Variants in ATP2A2 observed in about 807,000 individuals in gnomAD.
The protein encoded by ATP2A2 is ATPase sarcoplasmic/endoplasmic reticulum Ca2+ transporting 2, also known as sarcoplasmic/endoplasmic reticulum calcium ATPase 2.
A neutral mutation model predicts 109.3 loss-of-function variants in ATP2A2; 14 were observed. The ratio of observed to expected loss-of-function variants is 0.13; its 90% CI spans 0.08 to 0.20. ATP2A2 has a LOEUF of 0.20. Ranked by LOEUF, ATP2A2 falls within the 10% of genes least tolerant of loss-of-function variation. ATP2A2 has a pLI of 1.00. For missense variants in ATP2A2, 657 were observed against 1,321.6 expected (o/e 0.50, Z 7.80); for synonymous variants, 506 against 490.9 (o/e 1.03, Z -0.41).
intron 3 of ATP2A2, among the ~76,000 whole-genome samples, chr12:110,283,798 C>CATAT (rs1872396308): frequency 6.6e-6 from 1 of 152,082 alleles, no homozygotes; most frequent in Admixed American, 6.6e-5. Flanking sequence ...AGTTCTTGTA[C>CATAT]ATATATGTAT....
chr12:110,342,964 T>G lies in ATP2A2; in HGVS notation c.2319-268T>G, dbSNP rs768076056. On this transcript the variant is annotated intron_variant, in intron 15 of 19. Coordinates refer to ENST00000539276, the MANE Select transcript of ATP2A2 (RefSeq NM_170665.4). The surrounding 1 kb of genome is among the most constrained non-coding windows in gnomAD (Gnocchi z 4.6). ...ATGTTGCCCAGGCTGGTCTCTTAAC[T>G]GCTGAGCTCAGCCAGTCTGCCCACC... 1.3e-5 allele frequency among the ~76,000 whole-genome samples: 2 copies of G among 152,148 alleles called. No individual in the cohort carries two copies. The highest frequency in any genetic ancestry group is 2.4e-5 in the African/African-American group (1 of 41,428).
At chr12:110,337,867 A>G (rs1878987174) in intron 11 of ATP2A2, among the ~76,000 whole-genome samples, 1 of 152,246 alleles carries the variant, frequency 6.6e-6, no homozygotes, top group Admixed American at 6.5e-5. Context: ...AATTCTCACC[A>G]TTTCTATGCA....
intron 5 of ATP2A2, among the ~76,000 whole-genome samples, chr12:110,319,749 A>G (rs550391757): frequency 2.6e-5 from 4 of 151,626 alleles, no homozygotes; most frequent in East Asian, 3.9e-4. Flanking sequence ...AGGTGTATCT[A>G]TTAGTGTTAG....
At position 110,333,316 on chromosome 12, in the gene ATP2A2, GT is replaced by G. The variant is rs1193874531; in HGVS notation, c.1287+35del. 7 of 1,552,630 alleles carry G rather than the reference GT, an allele frequency of 4.5e-6. No individual in the cohort carries two copies. The South Asian group carries it at 6.7e-5, about 15-fold the overall frequency. ...TCTTCATAAATTAGAAGGAATGGCT[GT>G]TCCTAGTTCAAGGGTGGGGTGGGTG... is the stretch of plus-strand genomic sequence containing the variant. On this transcript the variant is annotated intron_variant, in intron 10 of 19. Transcript: ENST00000539276.
In ATP2A2 at chr12:110,327,449, G is replaced by C; in HGVS notation, c.631-104G>C. On this transcript the variant is annotated intron_variant, in intron 7 of 19. Coordinates refer to ENST00000539276, the MANE Select transcript of ATP2A2 (RefSeq NM_170665.4). This position sits in a 1 kb window ranked among gnomAD's most constrained non-coding sequence, Gnocchi z 4.4. Reference sequence around the variant, plus strand: ...TGAACAGTAGCCAGTGGAAGACCTAGTAGAATGTGTAGAGAATCTGGGTGC... The same window carrying C: ...TGAACAGTAGCCAGTGGAAGACCTACTAGAATGTGTAGAGAATCTGGGTGC... 1.9e-6 allele frequency: 2 copies of C among 1,038,642 alleles called. No homozygotes were observed. 64.3% of individuals were successfully genotyped at this position (1,038,642 alleles called of 1,614,324 possible).
At chr12:110,326,528 C>A in intron 7 of ATP2A2, 53 bp downstream of exon 7, 1 of 1,483,484 alleles carries the variant, frequency 6.7e-7, no homozygotes, top group Non-Finnish European at 9.3e-7. Flanking sequence ...AAAGCCTAAT[C>A]AAATGTTATG....
Position 110,309,542 on chromosome 12 carries a change from AG to A in ATP2A2, c.463+12806del, listed in dbSNP as rs532119142. Among the ~76,000 whole-genome samples the A allele has an allele frequency of 9.9e-4, 151 of 152,298 alleles. 1 individual carries two copies. Among genetic ancestry groups the A allele is most frequent in the Non-Finnish European group, 1.8e-3 (120 of 68,028 alleles). Reference sequence around the variant, plus strand: ...AGCATACATAGCAAATGCTAATGTGAGTCTTAAGTATCTAGAACACAAGAGC... The same window carrying A: ...AGCATACATAGCAAATGCTAATGTGATCTTAAGTATCTAGAACACAAGAGC... On this transcript the variant is annotated intron_variant, in intron 5 of 19. Transcript: ENST00000539276.
At position 110,340,776 on chromosome 12, in the gene ATP2A2, A is replaced by C; in HGVS notation, c.1879A>C (p.Asn627His). Residue 627 changes from asparagine (N) to histidine (H), a missense_variant, in exon 14 of 20, where the codon AAC becomes CAC. Physicochemically the swap from Asn to His is moderately conservative, Grantham distance 68. Transcript: ENST00000539276. This position sits in a 1 kb window ranked among gnomAD's most constrained non-coding sequence, Gnocchi z 6.0. Reference protein sequence around the residue: ...GIRVIMITGDNKGTAVAICRR... With the variant: ...GIRVIMITGDHKGTAVAICRR... ...CCGGGTCATCATGATCACTGGGGACAACAAGGGCACTGCTGTGGCCATCTG... is the reference window on the plus strand; with the variant it reads ...CCGGGTCATCATGATCACTGGGGACCACAAGGGCACTGCTGTGGCCATCTG... 6.2e-7 allele frequency: 1 copy of C among 1,614,172 alleles called. No homozygotes were observed.
rs1318432115 is a variant in ATP2A2, at chr12:110,343,563, C to T, written c.2521+129C>T. On this transcript the variant is annotated intron_variant, in intron 16 of 19. Coordinates refer to ENST00000539276, the MANE Select transcript of ATP2A2 (RefSeq NM_170665.4). ...ATAGGGTAGCAAAAGACAGAGATGC[C>T]CTCTTACAGTTCGATGAACTATACA... The T allele has an allele frequency of 1.0e-5, 11 of 1,063,504 alleles. No individual in the cohort carries two copies. In the East Asian group the frequency reaches 2.8e-4, roughly 27 times the overall value. The allele number at this position is 1,063,504 out of a possible 1,614,324, so 65.9% of individuals were successfully genotyped here.
intron 5 of ATP2A2, 67 bp downstream of exon 5, chr12:110,296,804 G>C: frequency 6.5e-7 from 1 of 1,529,304 alleles, no homozygotes; most frequent in Non-Finnish European, 9.0e-7. Context: ...TTTTCTCAAG[G>C]CTCATAATTA....
intron 6 of ATP2A2, chr12:110,326,019 A>C (rs1424975111): frequency 3.5e-6 from 1 of 287,972 alleles, no homozygotes; most frequent in Non-Finnish European, 6.8e-6. Context: ...ATATATGTTA[A>C]AGTATTTATT....
At chr12:110,287,805 G>A (rs1216063029) in intron 3 of ATP2A2, among the ~76,000 whole-genome samples, 2 of 151,868 alleles carry the variant, frequency 1.3e-5, no homozygotes, top group Non-Finnish European at 2.9e-5. Flanking sequence ...TAGTAGAGAC[G>A]GGGTTTCTCC....
intron 3 of ATP2A2, among the ~76,000 whole-genome samples, chr12:110,291,069 C>T (rs1873224321): frequency 1.3e-5 from 2 of 152,050 alleles, no homozygotes; most frequent in African/African-American, 4.8e-5. Context: ...CCACCACACA[C>T]TGCTAATTTT....
intron 5 of ATP2A2, among the ~76,000 whole-genome samples, chr12:110,309,757 T>C (rs1430443475): frequency 6.6e-6 from 1 of 151,786 alleles, no homozygotes; most frequent in Non-Finnish European, 1.5e-5. Context: ...AATACAAAAA[T>C]TAGCTAGGCG....
At chr12:110,314,830 T>G (rs1876485256) in intron 5 of ATP2A2, among the ~76,000 whole-genome samples, 1 of 152,096 alleles carries the variant, frequency 6.6e-6, no homozygotes, top group Non-Finnish European at 1.5e-5. Flanking sequence ...GTGAATGTTG[T>G]ACATAAAGAG....
At chr12:110,298,904 T>C (rs1164121953) in intron 5 of ATP2A2, among the ~76,000 whole-genome samples, 1 of 152,194 alleles carries the variant, frequency 6.6e-6, no homozygotes, top group African/African-American at 2.4e-5. Flanking sequence ...AACCTCAGTA[T>C]GATTATCAGA....
rs1441723869 is a variant in ATP2A2, at chr12:110,347,640, ATTT to A, written c.*1173_*1175del. 8.5e-6 allele frequency: 10 copies of A among 1,179,840 alleles called. No homozygotes were observed. Among genetic ancestry groups the A allele is most frequent in the African/African-American group, 1.6e-5 (1 of 62,412 alleles). The allele number at this position is 1,179,840 out of a possible 1,614,324, so 73.1% of individuals were successfully genotyped here. On this transcript the variant is annotated 3_prime_UTR_variant, in exon 20 of 20. Transcript: ENST00000539276. ...CCAAATGAACATATTGTATAGAACT[ATTT>A]TTATTTGAATGTGGCACTAACCACC...
intron 5 of ATP2A2, among the ~76,000 whole-genome samples, chr12:110,308,419 A>G (rs1875616172): frequency 6.6e-6 from 1 of 151,982 alleles, no homozygotes; most frequent in Non-Finnish European, 1.5e-5. Flanking sequence ...TTGTCAGTAT[A>G]CTCTGGTGAC....
In ATP2A2 at chr12:110,347,998, A is replaced by ACC; in HGVS notation, c.*1529_*1530dup. The ACC allele has an allele frequency of 5.1e-6, 5 of 988,044 alleles. No homozygotes were observed. The highest frequency in any genetic ancestry group is 6.0e-6 in the Non-Finnish European group (5 of 831,664). The allele number at this position is 988,044 out of a possible 1,614,324, so 61.2% of individuals were successfully genotyped here. A position where few individuals can be genotyped will look rare whatever the true frequency, so the allele number is the denominator to read the frequency against. On this transcript the variant is annotated 3_prime_UTR_variant, in exon 20 of 20. Transcript: ENST00000539276. ...CTGGCTGGAGGTGTGGCTTTCATAG[A>ACC]CCTCCACAGGCTGCCTAGGACAAGA...
Sources: gnomAD v4.1 joint callset for allele counts (sites outside exome capture counted in the v4.1 genomes callset) on GRCh38, gnomAD v4.1.1 for gene constraint, Gnocchi (gnomAD v3.1) non-coding constraint, MANE v1.5 for transcripts, NCBI Gene and HGNC (gene_info 2026-07-23, HGNC 2026-07-21) for gene names.